The following NAV3 variants were observed in gnomAD, a reference collection of about 807,000 sequenced individuals.
The protein encoded by NAV3 is neuron navigator 3.
In NAV3, 87 loss-of-function variants were observed where a neutral mutation model predicts 244.7. The ratio of observed to expected loss-of-function variants is 0.36; its 90% confidence interval spans 0.30 to 0.42. The LOEUF (loss-of-function observed/expected upper bound fraction) is 0.42. NAV3 is among the 20% of genes least tolerant of loss of function. NAV3 has a pLI of 1.00. For synonymous variants in NAV3, 1,126 were observed against 1,042.2 expected (o/e 1.08, Z -1.55); for missense variants, 2,663 against 2,893.3 (o/e 0.92, Z 1.83).
rs186021333 is a variant in NAV3, at chr12:77,682,139, C to T, written c.72+109873C>T. Among the ~76,000 whole-genome samples the T allele has an allele frequency of 2.0e-3, 299 of 152,172 alleles. 4 individuals are homozygous for T. The highest frequency in any genetic ancestry group is 2.9e-3 in the South Asian group (14 of 4,822). ...AACCCACACCCTGGTCCCCTGCCAC[C>T]CCCCACCTCGCCCCTGGCCACCACA... On this transcript the variant is annotated intron_variant, in intron 2 of 8. Transcript: ENST00000550042.
chr12:77,878,899 G>T (rs564384105), intron 1 of NAV3, among the ~76,000 whole-genome samples: 1 of 151,874 alleles, frequency 6.6e-6, no homozygotes, highest in Admixed American at 6.6e-5. Flanking sequence ...ACTAATCTTC[G>T]TACCAACCTC....
chr12:78,043,035 A>G (rs1881147686), intron 9 of NAV3, among the ~76,000 whole-genome samples: 1 of 152,040 alleles, frequency 6.6e-6, no homozygotes, highest in East Asian at 1.9e-4. Flanking sequence ...TGCACCCATC[A>G]ACCCGTCATC....
At position 78,137,308 on chromosome 12, in the gene NAV3, G is replaced by A. The variant is rs1290187425; in HGVS notation, c.4573G>A (p.Glu1525Lys). The A allele has an allele frequency of 1.9e-6, 3 of 1,613,312 alleles. No homozygotes were observed. Among genetic ancestry groups the A allele is most frequent in the South Asian group, 2.2e-5 (2 of 91,040 alleles). ...SQLCGSATSL[E>K]ERPRAISHSG... is the part of the protein sequence containing the mutation. ...GCTTTGTGGGAGTGCCACTTCTCTGGAGGAAAGACCTCGTGCCATCAGTCA... is the reference window on the plus strand; with the variant it reads ...GCTTTGTGGGAGTGCCACTTCTCTGAAGGAAAGACCTCGTGCCATCAGTCA... The change falls in exon 19 of 40, where the codon GAG becomes AAG. Residue 1525 changes from glutamate to lysine, a missense_variant. By Grantham distance (56) the Glu-to-Lys change is moderately conservative (BLOSUM62 1). Coordinates refer to ENST00000397909, the MANE Select transcript of NAV3 (RefSeq NM_001024383.2).
At chr12:78,149,139 A>G (rs1476566602) in intron 22 of NAV3, among the ~76,000 whole-genome samples, 1 of 152,070 alleles carries the variant, frequency 6.6e-6, no homozygotes, top group Non-Finnish European at 1.5e-5. Flanking sequence ...TGTTGTTTCT[A>G]ATAAGATTGG....
At chr12:77,798,308 G>T (rs1871532167) in intron 2 of NAV3, among the ~76,000 whole-genome samples, 1 of 152,084 alleles carries the variant, frequency 6.6e-6, no homozygotes, top group Non-Finnish European at 1.5e-5. Context: ...TTGAGTAAAG[G>T]CAAGCTGAAA....
intron 2 of NAV3, among the ~76,000 whole-genome samples, chr12:77,623,070 A>G (rs911707274): frequency 6.6e-6 from 1 of 152,220 alleles, no homozygotes; most frequent in African/African-American, 2.4e-5. Context: ...CTTGCTAAAC[A>G]TCAAGTGATA....
At chr12:77,735,296 T>C (rs1877288874) in intron 2 of NAV3, among the ~76,000 whole-genome samples, 1 of 152,110 alleles carries the variant, frequency 6.6e-6, no homozygotes, top group Non-Finnish European at 1.5e-5. Context: ...AATATTTGCC[T>C]CTGAGTATAA....
intron 1 of NAV3, among the ~76,000 whole-genome samples, chr12:77,887,998 G>A (rs575284423): frequency 6.8e-5 from 10 of 146,540 alleles, no homozygotes; most frequent in South Asian, 4.3e-4. Flanking sequence ...ACAATAAAGC[G>A]TATCTAAAGA....
At chr12:78,160,475 A>C (rs374954288) in intron 23 of NAV3, among the ~76,000 whole-genome samples, 1 of 151,516 alleles carries the variant, frequency 6.6e-6, no homozygotes, top group African/African-American at 2.4e-5. Context: ...GCTTTCATCT[A>C]ATTCTCAAAG....
chr12:78,111,999 T>TTTAAGGAA (rs1428826118), intron 12 of NAV3, among the ~76,000 whole-genome samples: 5 of 152,336 alleles, frequency 3.3e-5, no homozygotes, highest in African/African-American at 1.2e-4. Flanking sequence ...CGTTGGCTAA[T>TTTAAGGAA]TTAAGGAATT....
At position 78,040,974 on chromosome 12, in the gene NAV3, A is replaced by G. The variant is rs189253055; in HGVS notation, c.2024-9019A>G. The stretch of plus-strand genomic sequence containing the variant: ...TTCTCTACAAAACTTCTTTTTCTTC[A>G]TAGTTCTCTCAGATTATTTGGAAGT... On this transcript the variant is annotated intron_variant, in intron 9 of 39. Coordinates refer to ENST00000397909, the MANE Select transcript of NAV3 (RefSeq NM_001024383.2). Among the ~76,000 whole-genome samples the G allele has an allele frequency of 6.0e-4, 91 of 152,144 alleles. No homozygotes were observed. In the East Asian group the frequency reaches 0.017, roughly 28 times the overall value.
Position 78,204,923 on chromosome 12 carries a change from G to A in NAV3, c.6835-12G>A, listed in dbSNP as rs755565759. 2.5e-6 allele frequency: 4 copies of A among 1,612,522 alleles called. No homozygotes were observed. The highest frequency in any genetic ancestry group is 1.7e-4 in the Middle Eastern group (1 of 6,040). On this transcript the variant is annotated splice_polypyrimidine_tract_variant and intron_variant, in intron 38 of 39. Transcript: ENST00000397909. ...ATTTTATATATATCCTAAACGCGTG[G>A]TCAACTTTTAGATGTATGGGAAACG...
At chr12:78,027,727 C>T (rs905454479) in intron 9 of NAV3, among the ~76,000 whole-genome samples, 8 of 152,196 alleles carry the variant, frequency 5.3e-5, no homozygotes, top group Admixed American at 3.9e-4. Flanking sequence ...AAGGGTAATA[C>T]AATGGCATGT....
intron 2 of NAV3, among the ~76,000 whole-genome samples, chr12:77,775,131 C>T (rs532992898): frequency 6.6e-6 from 1 of 152,024 alleles, no homozygotes; most frequent in Non-Finnish European, 1.5e-5. Context: ...GTGGCTCATA[C>T]CTGTAATCCC....
At chr12:77,633,456 C>A (rs1347620792) in intron 2 of NAV3, among the ~76,000 whole-genome samples, 1 of 151,964 alleles carries the variant, frequency 6.6e-6, no homozygotes, top group Non-Finnish European at 1.5e-5. Context: ...CTAAAACGGG[C>A]ATTTTTCCCT....
At chr12:77,891,580 A>G (rs1230840886) in intron 1 of NAV3, among the ~76,000 whole-genome samples, 1 of 151,960 alleles carries the variant, frequency 6.6e-6, no homozygotes, top group Non-Finnish European at 1.5e-5. Context: ...TTATGACTTG[A>G]TACATGTTTT....
chr12:77,816,227 T>C lies in NAV3; in HGVS notation c.73-124092T>C, dbSNP rs145592460. On this transcript the variant is annotated intron_variant, in intron 2 of 8. Transcript: ENST00000550042. ...GGAAACATAGACCATGATTTTATGA[T>C]GGATTAATCCATAGTTTCAGACTTG... Among the ~76,000 whole-genome samples, 82 of 152,360 alleles carry C rather than the reference T, an allele frequency of 5.4e-4. 1 individual carries two copies. The East Asian group carries it at 0.015, about 28-fold the overall frequency.
At chr12:77,613,599 A>G (rs1871018699) in intron 2 of NAV3, among the ~76,000 whole-genome samples, 1 of 152,150 alleles carries the variant, frequency 6.6e-6, no homozygotes, top group Non-Finnish European at 1.5e-5. Flanking sequence ...CTTGGTATTC[A>G]AGGCAGCCAG....
rs769974035 is a variant in NAV3, at chr12:78,177,657, G to T, written c.5335G>T (p.Gly1779Cys). The change falls in exon 28 of 40, where the codon GGC (glycine) becomes TGC (cysteine). Residue 1779 changes from glycine to cysteine, a missense_variant. Gly to Cys is a radical substitution (Grantham distance 159). Transcript: ENST00000397909. The part of the protein sequence containing the change: ...LVWPPKKRQN[G>C]PVIYKHRSRI... ...CTGGCCACCAAAGAAACGACAAAAT[G>T]GCCCTGTGATCTACAAGCATAGATC... The T allele has an allele frequency of 6.3e-7, 1 of 1,597,250 alleles. No individual in the cohort carries two copies. The highest frequency in any genetic ancestry group is 1.3e-5 in the African/African-American group (1 of 74,938).
Sources: gnomAD v4.1 joint callset for allele counts (sites outside exome capture counted in the v4.1 genomes callset) on GRCh38, gnomAD v4.1.1 for gene constraint, MANE v1.5 for transcripts, NCBI Gene and HGNC (gene_info 2026-07-23, HGNC 2026-07-21) for gene names.